SCIN: variants seen among roughly 807,000 people sequenced by gnomAD.
SCIN encodes scinderin.
SCIN carries 91 observed loss-of-function variants against 91.8 expected under a neutral mutation model. That is an observed-to-expected ratio of 0.99 (90% CI 0.84 to 1.18). The LOEUF is 1.18. Among genes scored for constraint, SCIN ranks in the 50% most tolerant of loss-of-function variants. The pLI is 0.00. For synonymous variants in SCIN, 367 were observed against 312.6 expected (o/e 1.17, Z -1.84); for missense variants, 1,087 against 863.9 (o/e 1.26, Z -3.24).
At chr7:12,590,444 G>T (rs1583282775) in intron 3 of SCIN, among the ~76,000 whole-genome samples, 1 of 152,028 alleles carries the variant, frequency 6.6e-6, no homozygotes, top group Admixed American at 6.6e-5. Flanking sequence ...GGAGAAATAG[G>T]GTGAAGGAGT....
At chr7:12,624,492 T>C (rs1783471801) in intron 5 of SCIN, among the ~76,000 whole-genome samples, 1 of 152,226 alleles carries the variant, frequency 6.6e-6, no homozygotes, top group African/African-American at 2.4e-5. Flanking sequence ...ACTATATCAA[T>C]ATCCTCCTTA....
chr7:12,651,327 G>A lies in SCIN; in HGVS notation c.1960-514G>A, dbSNP rs1034983093. Among the ~76,000 whole-genome samples, 8 of 152,124 alleles carry A rather than the reference G, an allele frequency of 5.3e-5. No individual in the cohort carries two copies. The highest frequency in any genetic ancestry group is 1.9e-4 in the African/African-American group (8 of 41,410). On this transcript the variant is annotated intron_variant, in intron 14 of 15. Coordinates refer to ENST00000297029, the MANE Select transcript of SCIN (RefSeq NM_001112706.3). This position sits in a 1 kb window ranked among gnomAD's most constrained non-coding sequence, Gnocchi z 5.9. ...CTTCCCTAGATCCCGAAAAGGGAGGGCCTCAAAGAAAGTCCGGCTGCACCA... is the reference window on the plus strand; with the variant it reads ...CTTCCCTAGATCCCGAAAAGGGAGGACCTCAAAGAAAGTCCGGCTGCACCA...
At chr7:12,613,481 C>T (rs375952153) in intron 4 of SCIN, among the ~76,000 whole-genome samples, 4 of 152,252 alleles carry the variant, frequency 2.6e-5, no homozygotes, top group Non-Finnish European at 5.9e-5. Context: ...TTCATATCTC[C>T]TTAGTATGTA....
intron 9 of SCIN, among the ~76,000 whole-genome samples, chr7:12,634,224 G>T (rs1034030275): frequency 6.6e-6 from 1 of 152,102 alleles, no homozygotes; most frequent in African/African-American, 2.4e-5. Flanking sequence ...GGTGGCTCAC[G>T]CCTGTAATCC....
intron 13 of SCIN, among the ~76,000 whole-genome samples, chr7:12,645,291 G>A (rs1048153720): frequency 6.6e-6 from 1 of 151,728 alleles, no homozygotes; most frequent in Non-Finnish European, 1.5e-5. Flanking sequence ...TGGCACCACT[G>A]TGTTCCAGCC....
chr7:12,657,464 C>A lies in SCIN; in HGVS notation c.*4749C>A, dbSNP rs542989609. 3 of 144,868 alleles carry A rather than the reference C, an allele frequency of 2.1e-5. No individual in the cohort carries two copies. In the East Asian group the frequency reaches 6.1e-4, roughly 30 times the overall value. The allele number at this position is 144,868 out of a possible 1,614,324, so 9.0% of individuals were successfully genotyped here. ...ACTCAGGAAATCCACCTGCCTTGGC[C>A]TCCCAATATGCTGGGATTACAGGCA... On this transcript the variant is annotated 3_prime_UTR_variant, in exon 16 of 16. Transcript: ENST00000297029.
At chr7:12,609,721 T>A (rs1271959769) in intron 4 of SCIN, among the ~76,000 whole-genome samples, 1 of 152,210 alleles carries the variant, frequency 6.6e-6, no homozygotes, top group Non-Finnish European at 1.5e-5. Flanking sequence ...TCATTGTAAA[T>A]GCTGGTGGTG....
In SCIN at chr7:12,578,233, C is replaced by G; in HGVS notation, c.354+15C>G. ...TGAAATACAAGGTAAGCAGCTCCCT[C>G]AGTTTCCATTATGAATCCCTTTCTC... On this transcript the variant is annotated intron_variant, in intron 2 of 15. Coordinates refer to ENST00000297029, the MANE Select transcript of SCIN (RefSeq NM_001112706.3). 6.5e-7 allele frequency: 1 copy of G among 1,540,030 alleles called. No individual in the cohort carries two copies. Among genetic ancestry groups the G allele is most frequent in the Non-Finnish European group, 8.8e-7 (1 of 1,141,768 alleles).
In SCIN at chr7:12,640,342, A is replaced by G. The variant is rs751855238; in HGVS notation, c.1411-5A>G. 6.3e-7 allele frequency: 1 copy of G among 1,578,058 alleles called. No individual in the cohort carries two copies. Among genetic ancestry groups the G allele is most frequent in the Non-Finnish European group, 8.6e-7 (1 of 1,163,948 alleles). Reference sequence around the variant, plus strand: ...ATTTCTTTTATTCCCCCTCTCCCCCATCAGATCCGAGTCTCCCAAGGCAAA... The same window carrying G: ...ATTTCTTTTATTCCCCCTCTCCCCCGTCAGATCCGAGTCTCCCAAGGCAAA... On this transcript the variant is annotated splice_polypyrimidine_tract_variant and splice_region_variant and intron_variant, in intron 10 of 15. Coordinates refer to ENST00000297029, the MANE Select transcript of SCIN (RefSeq NM_001112706.3).
At position 12,657,605 on chromosome 7, in the gene SCIN, G is replaced by C. The variant is rs1312889458; in HGVS notation, c.*4890G>C. Reference sequence around the variant, plus strand: ...TTTTTTTTTTTTTTTTTTTGCATTGGCAAAAAAACAAAGATATTGTTTAGC... The same window carrying C: ...TTTTTTTTTTTTTTTTTTTGCATTGCCAAAAAAACAAAGATATTGTTTAGC... On this transcript the variant is annotated 3_prime_UTR_variant, in exon 16 of 16. Coordinates refer to ENST00000297029, the MANE Select transcript of SCIN (RefSeq NM_001112706.3). 7.2e-5 allele frequency: 3 copies of C among 41,494 alleles called. No homozygotes were observed. The highest frequency in any genetic ancestry group is 1.6e-4 in the Non-Finnish European group (3 of 19,292). 2.6% of individuals were successfully genotyped at this position (41,494 alleles called of 1,614,324 possible).
intron 9 of SCIN, among the ~76,000 whole-genome samples, chr7:12,632,355 T>C (rs1304024071): frequency 6.6e-6 from 1 of 152,100 alleles, no homozygotes; most frequent in Non-Finnish European, 1.5e-5. Context: ...GGTCTTGCAC[T>C]CCTGACCTCA....
chr7:12,622,037 T>C lies in SCIN; in HGVS notation c.667-764T>C, dbSNP rs6460971. Among the ~76,000 whole-genome samples the C allele has an allele frequency of 1.2e-3, 183 of 152,030 alleles. 1 individual carries two copies. The highest frequency in any genetic ancestry group is 4.1e-3 in the African/African-American group (171 of 41,560). ...AATTAAATTATTTAAAATAAGTTTA[T>C]ATTTGATTCCTGTCCTTGACATTCT... is the stretch of plus-strand genomic sequence containing the variant. On this transcript the variant is annotated intron_variant, in intron 4 of 15. Transcript: ENST00000297029.
chr7:12,631,179 A>C (rs976923545), intron 9 of SCIN, among the ~76,000 whole-genome samples: 1 of 152,364 alleles, frequency 6.6e-6, no homozygotes, highest in Non-Finnish European at 1.5e-5. Flanking sequence ...TTTGAGTTTT[A>C]AATAGTAGCT....
chr7:12,635,677 T>A (rs1462849625), intron 9 of SCIN, among the ~76,000 whole-genome samples: 2 of 125,932 alleles, frequency 1.6e-5, no homozygotes, highest in African/African-American at 6.0e-5. Context: ...ACATTCAACC[T>A]AATAAGTTTG....
intron 3 of SCIN, among the ~76,000 whole-genome samples, chr7:12,603,977 C>G (rs1298744015): frequency 1.3e-5 from 2 of 151,880 alleles, no homozygotes; most frequent in Admixed American, 1.3e-4. Flanking sequence ...GGGACAATAT[C>G]ACTCTTTTTA....
rs1317136839 is a variant in SCIN, at chr7:12,656,159, AT to A, written c.*3445del. 7.9e-5 allele frequency: 12 copies of A among 152,304 alleles called. No individual in the cohort carries two copies. The highest frequency in any genetic ancestry group is 2.9e-4 in the African/African-American group (12 of 41,586). The allele number at this position is 152,304 out of a possible 1,614,324, so 9.4% of individuals were successfully genotyped here. A position where few individuals can be genotyped will look rare whatever the true frequency, so the allele number is the denominator to read the frequency against. ...TGGCCTTCACATTGTATTTTGAACA[AT>A]GTTTTGGCCTCCAGTAATGATTAGG... On this transcript the variant is annotated 3_prime_UTR_variant, in exon 16 of 16. Coordinates refer to ENST00000297029, the MANE Select transcript of SCIN (RefSeq NM_001112706.3).
chr7:12,645,218 C>A (rs1783938721), intron 13 of SCIN, among the ~76,000 whole-genome samples: 2 of 141,046 alleles, frequency 1.4e-5, no homozygotes, highest in Non-Finnish European at 3.1e-5. Flanking sequence ...ACTTGGGAGG[C>A]TGAGACAGGA....
At chr7:12,605,262 A>C (rs932406736) in intron 4 of SCIN, among the ~76,000 whole-genome samples, 1 of 152,134 alleles carries the variant, frequency 6.6e-6, no homozygotes, top group Non-Finnish European at 1.5e-5. Flanking sequence ...CATGTTAGCC[A>C]GTGGTCCTGA....
Position 12,617,423 on chromosome 7 carries a change from T to C in SCIN, c.667-5378T>C, listed in dbSNP as rs926241858. The stretch of plus-strand genomic sequence containing the variant: ...AGACAATGGAAGAATGCACAGAAAT[T>C]AGGAACCCCAAAGGCAAGTTTCGGA... On this transcript the variant is annotated intron_variant, in intron 4 of 15. Coordinates refer to ENST00000297029, the MANE Select transcript of SCIN (RefSeq NM_001112706.3). Among the ~76,000 whole-genome samples the C allele has an allele frequency of 3.3e-5, 5 of 152,008 alleles. No homozygotes were observed. In the East Asian group the frequency reaches 9.6e-4, roughly 29 times the overall value.
Sources: allele counts gnomAD v4.1 joint callset (sites outside exome capture counted in the v4.1 genomes callset), GRCh38; gene constraint gnomAD v4.1.1; non-coding constraint Gnocchi (gnomAD v3.1); transcripts MANE v1.5; gene names NCBI Gene and HGNC (gene_info 2026-07-23, HGNC 2026-07-21).